Variants in SNX2 observed in about 807,000 individuals in gnomAD.
SNX2 encodes sorting nexin-2.
In SNX2, 25 loss-of-function variants were observed where a neutral mutation model predicts 69.9. That is an observed-to-expected ratio of 0.36 (90% CI 0.26 to 0.50). SNX2 has a LOEUF of 0.50. Among genes scored for constraint, SNX2 ranks in the 20% least tolerant of loss-of-function variants. SNX2 has a pLI of 0.97. For missense variants in SNX2, 551 were observed against 613.3 expected (o/e 0.90, Z 1.07); for synonymous variants, 229 against 200.4 (o/e 1.14, Z -1.20).
chr5:122,815,449 C>T (rs1388292266), intron 7 of SNX2: 3 of 152,208 alleles, frequency 2.0e-5, no homozygotes, highest in Non-Finnish European at 4.4e-5. Context: ...GACTCTTCCC[C>T]ATTCTGATGA....
intron 7 of SNX2, among the ~76,000 whole-genome samples, chr5:122,809,845 G>A (rs10068953): frequency 0.36 from 53,994 of 152,036 alleles, 10,246 homozygotes; most frequent in African/African-American, 0.46. Flanking sequence ...CTTAGAGAAG[G>A]CTTAAAGATG....
intron 6 of SNX2, among the ~76,000 whole-genome samples, chr5:122,806,480 C>T (rs368167144): frequency 5.9e-4 from 90 of 152,178 alleles, no homozygotes; most frequent in African/African-American, 1.7e-3. Flanking sequence ...TTCATTAGCA[C>T]GTAACTCTCT....
rs909498999 is a variant in SNX2 at position 122,833,681 on chromosome 5, T to G, written c.*4033T>G. 2.6e-5 allele frequency: 4 copies of G among 152,182 alleles called. No individual in the cohort carries two copies. Among genetic ancestry groups the G allele is most frequent in the Non-Finnish European group, 4.4e-5 (3 of 68,028 alleles). The allele number at this position is 152,182 out of a possible 1,614,324, so 9.4% of individuals were successfully genotyped here. On this transcript the variant is annotated 3_prime_UTR_variant, in exon 15 of 15. Transcript: ENST00000379516. ...TGTTTTACATTTATAAATCTCAAAA[T>G]GCCTTTATTTCATTGTTGGTACTCT...
chr5:122,804,095 C>A (rs1332683130), intron 6 of SNX2, among the ~76,000 whole-genome samples: 1 of 151,682 alleles, frequency 6.6e-6, no homozygotes, highest in Non-Finnish European at 1.5e-5. Context: ...GCTGAGATCA[C>A]GCCTGGGCAA....
At chr5:122,775,630 G>T (rs1445829323) in intron 1 of SNX2, 2 of 988,426 alleles carry the variant, frequency 2.0e-6, no homozygotes, top group Non-Finnish European at 2.4e-6. Flanking sequence ...CGCTGCCAGG[G>T]GAGCGCAATG....
At chr5:122,798,430 T>C (rs1753434380) in intron 2 of SNX2, among the ~76,000 whole-genome samples, 1 of 152,206 alleles carries the variant, frequency 6.6e-6, no homozygotes, top group Admixed American at 6.5e-5. Context: ...CAACATGAGA[T>C]AACCAGTAAG....
At chr5:122,800,629 A>G (rs991494060) in intron 3 of SNX2, among the ~76,000 whole-genome samples, 4 of 152,180 alleles carry the variant, frequency 2.6e-5, no homozygotes, top group Non-Finnish European at 2.9e-5. Context: ...GATGATGCTT[A>G]TTTCTGATTT....
At chr5:122,825,435 A>G (rs1754130115) in intron 11 of SNX2, among the ~76,000 whole-genome samples, 1 of 151,884 alleles carries the variant, frequency 6.6e-6, no homozygotes, top group African/African-American at 2.4e-5. Flanking sequence ...TTGTATTAGG[A>G]TCTTTTTGTC....
At chr5:122,787,846 A>G (rs1307920303) in intron 1 of SNX2, among the ~76,000 whole-genome samples, 1 of 152,248 alleles carries the variant, frequency 6.6e-6, no homozygotes, top group Non-Finnish European at 1.5e-5. Context: ...TATGATAAGA[A>G]TACATTATAT....
chr5:122,794,200 A>G (rs922899174), intron 1 of SNX2, among the ~76,000 whole-genome samples: 2 of 151,912 alleles, frequency 1.3e-5, no homozygotes, highest in Middle Eastern at 3.4e-3. Flanking sequence ...AATCCCAGTT[A>G]TTTGGGAGGC....
intron 2 of SNX2, among the ~76,000 whole-genome samples, chr5:122,799,162 G>A (rs980966310): frequency 2.6e-5 from 4 of 152,024 alleles, no homozygotes; most frequent in African/African-American, 9.7e-5. Context: ...ACACCTATTT[G>A]TTTTGTGTCA....
intron 5 of SNX2, 39 bp downstream of exon 5, chr5:122,802,163 C>T (rs1203975752): frequency 1.6e-5 from 24 of 1,544,910 alleles, no homozygotes; most frequent in Non-Finnish European, 2.1e-5. Flanking sequence ...ATCGAGCCCT[C>T]ATTATGTGTA....
chr5:122,804,807 T>G (rs1753599469), intron 6 of SNX2, among the ~76,000 whole-genome samples: 1 of 152,244 alleles, frequency 6.6e-6, no homozygotes, highest in Non-Finnish European at 1.5e-5. Context: ...GCTTTTTCAG[T>G]CATAGGTTTT....
At chr5:122,790,206 C>T (rs936005923) in intron 1 of SNX2, among the ~76,000 whole-genome samples, 1 of 152,122 alleles carries the variant, frequency 6.6e-6, no homozygotes, top group Non-Finnish European at 1.5e-5. Flanking sequence ...GCAACCTCCG[C>T]CTCCTGGGTT....
chr5:122,801,678 T>C (rs1207134012), intron 3 of SNX2, among the ~76,000 whole-genome samples, 191 bp from the exon 4 acceptor site: 1 of 150,932 alleles, frequency 6.6e-6, no homozygotes, highest in Non-Finnish European at 1.5e-5. Flanking sequence ...TGTGTGTGTG[T>C]GTGTGTGTGT....
At chr5:122,797,203 C>A (rs1753400190) in intron 2 of SNX2, among the ~76,000 whole-genome samples, 1 of 152,202 alleles carries the variant, frequency 6.6e-6, no homozygotes, top group Admixed American at 6.5e-5. Context: ...ATTGGGATTA[C>A]AGGCGTGAGC....
intron 1 of SNX2, among the ~76,000 whole-genome samples, chr5:122,793,173 C>A (rs1298911049): frequency 2.6e-5 from 4 of 152,104 alleles, no homozygotes; most frequent in Admixed American, 1.3e-4. Flanking sequence ...CTAGAAAATT[C>A]ATAGCAGCAC....
Position 122,815,890 on chromosome 5 carries a change from A to C in SNX2, c.723-6A>C. ...GATAAAGGAGCAATTTTACTCTTAA[A>C]TCTAGGTATCTTCAAAGAACAGTAA... On this transcript the variant is annotated splice_region_variant and splice_polypyrimidine_tract_variant and intron_variant, in intron 7 of 14. Coordinates refer to ENST00000379516, the MANE Select transcript of SNX2 (RefSeq NM_003100.4). 1 of 1,546,680 alleles carries C rather than the reference A, an allele frequency of 6.5e-7. No individual in the cohort carries two copies. Among genetic ancestry groups the C allele is most frequent in the Non-Finnish European group, 8.8e-7 (1 of 1,132,514 alleles).
At chr5:122,807,172 G>A (rs547811961) in intron 6 of SNX2, among the ~76,000 whole-genome samples, 1 of 152,046 alleles carries the variant, frequency 6.6e-6, no homozygotes, top group Middle Eastern at 3.4e-3. Flanking sequence ...CAGCTACTCA[G>A]GATTGCTTGA....
Sources: allele counts gnomAD v4.1 joint callset (sites outside exome capture counted in the v4.1 genomes callset), GRCh38; gene constraint gnomAD v4.1.1; transcripts MANE v1.5; gene names NCBI Gene and HGNC (gene_info 2026-07-23, HGNC 2026-07-21).